The following NEGR1 variants were observed in gnomAD, a reference collection of about 807,000 sequenced individuals.
The protein encoded by NEGR1 is IgLON family member 4.
In NEGR1, 10 loss-of-function variants were observed where a neutral mutation model predicts 40.9. That is an observed-to-expected ratio of 0.24 (90% CI 0.15 to 0.42). NEGR1 has a LOEUF of 0.42. Ranked by LOEUF, NEGR1 falls within the 10% of genes least tolerant of loss-of-function variation. NEGR1 has a pLI of 1.00. For missense variants in NEGR1, 352 were observed against 438.9 expected (o/e 0.80, Z 1.77); for synonymous variants, 185 against 166.8 (o/e 1.11, Z -0.84).
At chr1:71,719,821 C>T (rs1227090876) in intron 3 of NEGR1, among the ~76,000 whole-genome samples, 1 of 152,016 alleles carries the variant, frequency 6.6e-6, no homozygotes, top group African/African-American at 2.4e-5. Context: ...GTTCTCCTCC[C>T]CGTGTCCATG....
intron 2 of NEGR1, among the ~76,000 whole-genome samples, chr1:71,785,575 C>CT (rs1165789981): frequency 1.2e-4 from 19 of 152,254 alleles, no homozygotes; most frequent in Middle Eastern, 3.4e-3. Flanking sequence ...AGTGTAGTTA[C>CT]TATTCCCATA....
chr1:71,690,351 A>C (rs1276513373), intron 4 of NEGR1, among the ~76,000 whole-genome samples: 2 of 151,894 alleles, frequency 1.3e-5, no homozygotes, highest in African/African-American at 4.8e-5. Context: ...AAGCACTAGG[A>C]AACATGCTGA....
chr1:72,057,043 T>C (rs1474388229), intron 1 of NEGR1, among the ~76,000 whole-genome samples: 1 of 151,600 alleles, frequency 6.6e-6, no homozygotes, highest in Non-Finnish European at 1.5e-5. Flanking sequence ...CTGTTTTCTC[T>C]GTTTTAGAAG....
In NEGR1 at chr1:71,629,252, T is replaced by A. The variant is rs187631850; in HGVS notation, c.668-18106A>T. Among the ~76,000 whole-genome samples, 470 of 151,920 alleles carry A rather than the reference T, an allele frequency of 3.1e-3. 7 individuals are homozygous for A. The highest frequency in any genetic ancestry group is 0.011 in the African/African-American group (451 of 41,288). ...TTCATATCCTTTGCCAACTTTTTGA[T>A]GGGGTTGTTAAAAAAAAAGAAAATC... On this transcript the variant is annotated intron_variant, in intron 4 of 6. Transcript: ENST00000357731.
chr1:71,704,099 G>T (rs1438739509), intron 3 of NEGR1, among the ~76,000 whole-genome samples: 1 of 149,352 alleles, frequency 6.7e-6, no homozygotes, highest in Non-Finnish European at 1.5e-5. Context: ...AAGAACTATT[G>T]CAGACTTCTT....
intron 2 of NEGR1, among the ~76,000 whole-genome samples, chr1:71,832,227 C>T (rs1312987594): frequency 1.3e-5 from 2 of 151,878 alleles, no homozygotes; most frequent in Non-Finnish European, 2.9e-5. Flanking sequence ...TAAAAGATAG[C>T]CTGGAAGAAT....
chr1:72,051,307 A>C (rs552274100), intron 1 of NEGR1, among the ~76,000 whole-genome samples: 1 of 151,660 alleles, frequency 6.6e-6, no homozygotes, highest in East Asian at 1.9e-4. Flanking sequence ...TGATAATGGT[A>C]ATCTAGTACC....
At chr1:71,982,396 G>A (rs1241393198) in intron 1 of NEGR1, among the ~76,000 whole-genome samples, 3 of 152,138 alleles carry the variant, frequency 2.0e-5, no homozygotes, top group African/African-American at 7.2e-5. Context: ...GCATAGCACA[G>A]TGGACACAGC....
chr1:71,438,215 A>T (rs754208376), intron 6 of NEGR1, among the ~76,000 whole-genome samples: 19 of 152,238 alleles, frequency 1.2e-4, no homozygotes, highest in Non-Finnish European at 2.1e-4. Context: ...TACAAATGAA[A>T]AAATAATGGG....
intron 6 of NEGR1, among the ~76,000 whole-genome samples, chr1:71,580,612 A>G (rs1358047396): frequency 6.6e-6 from 1 of 152,184 alleles, no homozygotes; most frequent in Non-Finnish European, 1.5e-5. Flanking sequence ...CTACATCAAA[A>G]TAAAGTGAAG....
chr1:72,110,083 C>A (rs1649294166), intron 1 of NEGR1, among the ~76,000 whole-genome samples: 1 of 151,418 alleles, frequency 6.6e-6, no homozygotes, highest in African/African-American at 2.4e-5. Context: ...GATCATGCAA[C>A]TGTAAAACAT....
intron 1 of NEGR1, among the ~76,000 whole-genome samples, chr1:72,132,628 T>G (rs1650301023): frequency 6.6e-6 from 1 of 152,190 alleles, no homozygotes. Flanking sequence ...TAGGGTGACT[T>G]GTAACCACAA....
chr1:71,677,487 T>C (rs1053323972), intron 4 of NEGR1, among the ~76,000 whole-genome samples: 2 of 152,142 alleles, frequency 1.3e-5, no homozygotes, highest in African/African-American at 4.8e-5. Context: ...GAGTGAACAT[T>C]GGGTTCTTGT....
At chr1:71,807,966 A>G (rs1365919430) in intron 2 of NEGR1, among the ~76,000 whole-genome samples, 2 of 152,244 alleles carry the variant, frequency 1.3e-5, no homozygotes, top group Non-Finnish European at 2.9e-5. Flanking sequence ...TCTAATTCTT[A>G]TACATATACA....
At chr1:71,918,218 A>G (rs1450961524) in intron 2 of NEGR1, among the ~76,000 whole-genome samples, 3 of 34,846 alleles carry the variant, frequency 8.6e-5, no homozygotes, top group Admixed American at 2.6e-4. Flanking sequence ...CTCTGTCTCA[A>G]AAAAAAAAAA....
chr1:71,694,014 G>C (rs1195628508), intron 4 of NEGR1, among the ~76,000 whole-genome samples: 2 of 151,496 alleles, frequency 1.3e-5, no homozygotes, highest in Non-Finnish European at 3.0e-5. Flanking sequence ...TTTCTAACCA[G>C]ATTTTTCCTG....
chr1:71,630,918 A>T (rs1328224248), intron 4 of NEGR1, among the ~76,000 whole-genome samples: 1 of 151,916 alleles, frequency 6.6e-6, no homozygotes, highest in Admixed American at 6.6e-5. Flanking sequence ...ATTACTCATT[A>T]TAATTCTAAT....
chr1:72,174,969 A>C (rs561531373), intron 1 of NEGR1, among the ~76,000 whole-genome samples: 83 of 151,764 alleles, frequency 5.5e-4, no homozygotes, highest in African/African-American at 1.9e-3. Context: ...ATTTTATTTT[A>C]TTTTATTATT....
At chr1:71,724,151 ATT>A (rs1265597787) in intron 3 of NEGR1, among the ~76,000 whole-genome samples, 1 of 152,124 alleles carries the variant, frequency 6.6e-6, no homozygotes, top group Non-Finnish European at 1.5e-5. Context: ...CTGATGCTGG[ATT>A]CATTTTTTAA....
Sources: allele counts gnomAD v4.1 joint callset (sites outside exome capture counted in the v4.1 genomes callset), GRCh38; gene constraint gnomAD v4.1.1; transcripts MANE v1.5; gene names NCBI Gene and HGNC (gene_info 2026-07-23, HGNC 2026-07-21).